GALNT14: variants seen among roughly 807,000 people sequenced by gnomAD.
GALNT14 encodes the protein UDP-GalNAc:polypeptide N-acetylgalactosaminyltransferase 14.
GALNT14 carries 60 observed loss-of-function variants against 77.5 expected under a neutral mutation model. That is an observed-to-expected ratio of 0.77 (90% confidence interval 0.63 to 0.96). GALNT14 has a LOEUF of 0.96. Among genes scored for constraint, GALNT14 ranks in the 40% least tolerant of loss-of-function variants. The pLI is 0.00. For synonymous variants in GALNT14, 280 were observed against 281.7 expected (o/e 0.99, Z 0.06); for missense variants, 710 against 731.0 (o/e 0.97, Z 0.33).
At chr2:31,086,183 T>C (rs1333730340) in intron 1 of GALNT14, among the ~76,000 whole-genome samples, 1 of 152,222 alleles carries the variant, frequency 6.6e-6, no homozygotes, top group Non-Finnish European at 1.5e-5. Context: ...CTAGGACCTC[T>C]GGACTTGGGC....
chr2:31,028,889 C>A (rs763520949), intron 1 of GALNT14, among the ~76,000 whole-genome samples: 1 of 152,096 alleles, frequency 6.6e-6, no homozygotes, highest in Non-Finnish European at 1.5e-5. Flanking sequence ...TAAGCAGCAA[C>A]GGCTGAGAGT....
the GALNT14 span, among the ~76,000 whole-genome samples, chr2:30,897,478 C>T: frequency 6.6e-6 from 1 of 152,204 alleles, no homozygotes; most frequent in Non-Finnish European, 1.5e-5. Context: ...GAGAGCTGAA[C>T]TCGTGGGTCA....
At chr2:30,912,586 C>T (rs1001464448) in intron 13 of GALNT14, among the ~76,000 whole-genome samples, 4 of 152,234 alleles carry the variant, frequency 2.6e-5, no homozygotes, top group African/African-American at 9.6e-5. Flanking sequence ...TTCAGGCTGC[C>T]TCTGGGAGTC....
chr2:30,945,406 C>G (rs1044746703), intron 7 of GALNT14, among the ~76,000 whole-genome samples: 4 of 152,188 alleles, frequency 2.6e-5, no homozygotes, highest in Non-Finnish European at 5.9e-5. Context: ...AAACATGCTC[C>G]CTTCTCTAAG....
chr2:31,109,716 A>G (rs372206762), intron 1 of GALNT14, among the ~76,000 whole-genome samples: 2 of 152,194 alleles, frequency 1.3e-5, no homozygotes, highest in African/African-American at 4.8e-5. Flanking sequence ...GTGTGTCTCA[A>G]TAATGTGTTA....
chr2:30,987,710 TC>T (rs1323696197), intron 2 of GALNT14, among the ~76,000 whole-genome samples: 1 of 11,610 alleles, frequency 8.6e-5, no homozygotes, highest in South Asian at 7.5e-3. Context: ...TCCTCCTCCC[TC>T]CCCCTCCTCC....
chr2:30,967,438 T>C (rs1668078071), intron 2 of GALNT14, among the ~76,000 whole-genome samples: 4 of 152,152 alleles, frequency 2.6e-5, no homozygotes. Context: ...GGCTGAAGGC[T>C]CATGGTGTCG....
chr2:31,083,057 T>TTAA (rs769709889), intron 1 of GALNT14, among the ~76,000 whole-genome samples: 3 of 151,982 alleles, frequency 2.0e-5, no homozygotes, highest in Admixed American at 6.6e-5. Context: ...TCTACTACTA[T>TTAA]TAATAATAAT....
intron 1 of GALNT14, among the ~76,000 whole-genome samples, chr2:31,088,014 C>G (rs1573329696): frequency 1.3e-5 from 2 of 152,320 alleles, no homozygotes; most frequent in African/African-American, 4.8e-5. Context: ...TGACCAGATA[C>G]AGAATCCACT....
chr2:31,037,264 A>G (rs1372304742), intron 1 of GALNT14, among the ~76,000 whole-genome samples: 1 of 152,160 alleles, frequency 6.6e-6, no homozygotes, highest in Non-Finnish European at 1.5e-5. Flanking sequence ...TCTGCTGTTG[A>G]GTCCCTCTAG....
chr2:30,949,691 G>A lies in GALNT14; in HGVS notation c.655-3821C>T, dbSNP rs191860402. 4.6e-5 allele frequency among the ~76,000 whole-genome samples: 7 copies of A among 152,296 alleles called. No homozygotes were observed. In the East Asian group the frequency reaches 1.4e-3, roughly 29 times the overall value. ...ATGTAATTAAAACCACATTGTGAAT[G>A]GGCAATCAAAAAGCTCCTAGAGATG... On this transcript the variant is annotated intron_variant, in intron 6 of 14. Coordinates refer to ENST00000349752, the MANE Select transcript of GALNT14 (RefSeq NM_024572.4).
intron 2 of GALNT14, among the ~76,000 whole-genome samples, chr2:30,975,124 A>C (rs1317489780): frequency 6.6e-6 from 1 of 152,230 alleles, no homozygotes; most frequent in African/African-American, 2.4e-5. Context: ...GCTGGCGATA[A>C]GAAGCCTTGG....
intron 1 of GALNT14, among the ~76,000 whole-genome samples, chr2:31,001,913 T>C (rs980445487): frequency 6.6e-6 from 1 of 152,154 alleles, no homozygotes; most frequent in Non-Finnish European, 1.5e-5. Flanking sequence ...CTGGGTCGAT[T>C]TGAAAAAGAA....
At chr2:31,123,107 A>C (rs1404807347) in intron 1 of GALNT14, among the ~76,000 whole-genome samples, 1 of 143,014 alleles carries the variant, frequency 7.0e-6, no homozygotes, top group East Asian at 2.2e-4. Context: ...GCATGAACTC[A>C]GGAGGCGGAG....
At chr2:30,979,177 G>C (rs1862973) in intron 2 of GALNT14, among the ~76,000 whole-genome samples, 2,914 of 152,340 alleles carry the variant, frequency 0.019, 41 homozygotes, top group East Asian at 0.065. Context: ...AGTCAATGAG[G>C]AGGGCAGCTA....
intron 1 of GALNT14, among the ~76,000 whole-genome samples, chr2:31,132,398 C>G (rs1679039284): frequency 6.6e-6 from 1 of 152,160 alleles, no homozygotes; most frequent in African/African-American, 2.4e-5. Flanking sequence ...TTCTCAGTCA[C>G]TCACAAGAGC....
intron 1 of GALNT14, among the ~76,000 whole-genome samples, chr2:31,058,729 A>G (rs781734093): frequency 7.2e-5 from 11 of 152,158 alleles, no homozygotes; most frequent in Middle Eastern, 3.4e-3. Context: ...TTCATACACA[A>G]CGTCCCATGA....
At chr2:30,950,333 G>A (rs1255834688) in intron 6 of GALNT14, among the ~76,000 whole-genome samples, 5 of 152,018 alleles carry the variant, frequency 3.3e-5, no homozygotes, top group Non-Finnish European at 5.9e-5. Flanking sequence ...GTAATTGAAA[G>A]GAAAAGAAGG....
chr2:31,088,388 G>C (rs1006461788), intron 1 of GALNT14, among the ~76,000 whole-genome samples: 4 of 152,158 alleles, frequency 2.6e-5, no homozygotes, highest in Admixed American at 2.6e-4. Context: ...TGTTAAGTTT[G>C]GCCAATGGGA....
Sources: gnomAD v4.1 joint callset for allele counts (sites outside exome capture counted in the v4.1 genomes callset) on GRCh38, gnomAD v4.1.1 for gene constraint, MANE v1.5 for transcripts, NCBI Gene and HGNC (gene_info 2026-07-23, HGNC 2026-07-21) for gene names.